DCC: variants seen among roughly 807,000 people sequenced by gnomAD.
DCC encodes DCC netrin 1 receptor.
A neutral mutation model predicts 172.5 loss-of-function variants in DCC; 58 were observed. The ratio of observed to expected loss-of-function variants is 0.34; its 90% CI spans 0.27 to 0.42. DCC has a LOEUF of 0.42. DCC is among the 10% of genes least tolerant of loss of function. The pLI is 1.00. For synonymous variants in DCC, 709 were observed against 644.5 expected (o/e 1.10, Z -1.52); for missense variants, 1,740 against 1,791.0 (o/e 0.97, Z 0.51).
intron 1 of DCC, among the ~76,000 whole-genome samples, chr18:52,723,342 T>A (rs936043051): frequency 1.1e-4 from 17 of 152,198 alleles, no homozygotes; most frequent in African/African-American, 4.1e-4. Context: ...ATTCAGACGC[T>A]TTACTGGTGA....
chr18:53,025,254 C>T (rs774401578), intron 5 of DCC, among the ~76,000 whole-genome samples: 21 of 152,042 alleles, frequency 1.4e-4, no homozygotes, highest in Non-Finnish European at 3.1e-4. Flanking sequence ...AAAATGATAT[C>T]ACTAAGCTGG....
Position 53,402,910 on chromosome 18 carries a change from T to C in DCC, c.2935+17T>C. ...AAATTACTGGTAAGCATCTCCACTT[T>C]CTCTCCCAGCATAGCTCTCCCTTGT... On this transcript the variant is annotated intron_variant, in intron 19 of 28. Transcript: ENST00000442544. 3 of 1,548,726 alleles carry C rather than the reference T, an allele frequency of 1.9e-6. No homozygotes were observed. Among genetic ancestry groups the C allele is most frequent in the East Asian group, 2.2e-5 (1 of 44,528 alleles).
At chr18:53,042,114 C>T (rs780773586) in intron 5 of DCC, among the ~76,000 whole-genome samples, 1 of 151,918 alleles carries the variant, frequency 6.6e-6, no homozygotes. Flanking sequence ...CAGCTTTTGC[C>T]CATTCAGTAT....
At chr18:53,408,959 A>G (rs551529481) in intron 19 of DCC, among the ~76,000 whole-genome samples, 1 of 152,338 alleles carries the variant, frequency 6.6e-6, no homozygotes, top group Admixed American at 6.5e-5. Flanking sequence ...TAATTCTATA[A>G]GGCACTATGG....
chr18:52,525,134 T>C (rs1283866057), intron 1 of DCC, among the ~76,000 whole-genome samples: 15 of 152,022 alleles, frequency 9.9e-5, no homozygotes, highest in Admixed American at 9.8e-4. Context: ...TAATCAACAT[T>C]TAAGTGCACA....
chr18:52,434,962 C>T lies in DCC; in HGVS notation c.91+94084C>T, dbSNP rs551913561. On this transcript the variant is annotated intron_variant, in intron 1 of 28. Transcript: ENST00000442544. ...ATTGCAATGTTTGCTTTTATTTTTA[C>T]CTTTCTTGCGAGTAATCATAGTGCC... is the stretch of plus-strand genomic sequence containing the variant. Among the ~76,000 whole-genome samples, 17 of 152,258 alleles carry T rather than the reference C, an allele frequency of 1.1e-4. No homozygotes were observed. The East Asian group carries it at 3.3e-3, about 29-fold the overall frequency.
chr18:52,963,476 A>G (rs145257614), intron 5 of DCC, among the ~76,000 whole-genome samples: 1 of 152,166 alleles, frequency 6.6e-6, no homozygotes, highest in African/African-American at 2.4e-5. Context: ...AATGGATGCA[A>G]TTTAGTGAAC....
chr18:52,837,256 T>C (rs2038723080), intron 2 of DCC, among the ~76,000 whole-genome samples: 1 of 152,214 alleles, frequency 6.6e-6, no homozygotes, highest in Non-Finnish European at 1.5e-5. Flanking sequence ...TCCCATTGTG[T>C]TGATGATTAA....
intron 5 of DCC, among the ~76,000 whole-genome samples, chr18:52,974,218 A>G (rs919255237): frequency 6.6e-6 from 1 of 152,186 alleles, no homozygotes; most frequent in African/African-American, 2.4e-5. Context: ...AATCTTGTCT[A>G]CATATCCTAA....
At chr18:53,513,250 C>G (rs1447200789) in intron 27 of DCC, among the ~76,000 whole-genome samples, 2 of 152,180 alleles carry the variant, frequency 1.3e-5, no homozygotes, top group Non-Finnish European at 2.9e-5. Context: ...ACTTTACAGA[C>G]AAGCAAATGC....
intron 5 of DCC, among the ~76,000 whole-genome samples, chr18:53,061,235 A>G (rs1191277348): frequency 6.6e-6 from 1 of 151,838 alleles, no homozygotes; most frequent in African/African-American, 2.4e-5. Context: ...GGGCTCTTGA[A>G]ACTTCTCTTT....
chr18:53,133,458 AAC>A (rs1272104734), intron 7 of DCC, among the ~76,000 whole-genome samples: 1 of 152,180 alleles, frequency 6.6e-6, no homozygotes, highest in African/African-American at 2.4e-5. Flanking sequence ...GTTCAGTGGT[AAC>A]ACATTCTCTA....
chr18:52,682,567 T>G (rs1177005138), intron 1 of DCC, among the ~76,000 whole-genome samples: 1 of 152,020 alleles, frequency 6.6e-6, no homozygotes, highest in African/African-American at 2.4e-5. Flanking sequence ...TACAGGGAAG[T>G]CATACATTCC....
chr18:53,176,585 T>C (rs1388587808), intron 8 of DCC, among the ~76,000 whole-genome samples: 1 of 152,036 alleles, frequency 6.6e-6, no homozygotes, highest in African/African-American at 2.4e-5. Context: ...AAAATGCTCA[T>C]CATCACTGGT....
intron 1 of DCC, among the ~76,000 whole-genome samples, chr18:52,641,705 TA>T (rs1034127047): frequency 6.6e-6 from 1 of 150,964 alleles, no homozygotes; most frequent in South Asian, 2.1e-4. Flanking sequence ...AATCAAAAAA[TA>T]AAAAAAACAG....
chr18:52,502,469 AG>A (rs1374911588), intron 1 of DCC, among the ~76,000 whole-genome samples: 1 of 152,182 alleles, frequency 6.6e-6, no homozygotes, highest in Non-Finnish European at 1.5e-5. Context: ...GCACATTTTC[AG>A]GAAAGATACT....
rs1325203075 is a variant in DCC at position 53,205,262 on chromosome 18, A to G, written c.1620A>G (p.Ser540=). Residue 540 remains serine (S), a synonymous_variant, in exon 10 of 29, where the codon TCA becomes TCG. Coordinates refer to ENST00000442544, the MANE Select transcript of DCC (RefSeq NM_005215.4). ...AAAACCTGCAAGCTGTATCTACCTC[A>G]CCTACCTCAATTCTTATTACCTGGG... The part of the protein sequence containing the change: ...PVENLQAVST[S]PTSILITWEP... The G allele has an allele frequency of 6.8e-6, 11 of 1,613,410 alleles. No individual in the cohort carries two copies. The highest frequency in any genetic ancestry group is 1.1e-5 in the South Asian group (1 of 91,074).
chr18:53,222,370 CTTTTTCTTTTTTCTTTTTTT>C (rs1252947867), intron 12 of DCC, among the ~76,000 whole-genome samples: 12 of 125,282 alleles, frequency 9.6e-5, no homozygotes, highest in South Asian at 4.7e-4. Context: ...TTTCTTTTTT[CTTTTTCTTTTTTCTTTTTTT>C]TTTTTTTTTT....
chr18:53,202,805 T>C, intron 9 of DCC, among the ~76,000 whole-genome samples: 1 of 152,220 alleles, frequency 6.6e-6, no homozygotes, highest in East Asian at 1.9e-4. Flanking sequence ...TTTGTCTGAA[T>C]GCATAACCTA....
Sources: allele counts gnomAD v4.1 joint callset (sites outside exome capture counted in the v4.1 genomes callset), GRCh38; gene constraint gnomAD v4.1.1; transcripts MANE v1.5; gene names NCBI Gene and HGNC (gene_info 2026-07-23, HGNC 2026-07-21).